NTRK2: variants seen among roughly 807,000 people sequenced by gnomAD.
The protein encoded by NTRK2 is BDNF/NT-3 growth factors receptor.
In NTRK2, 13 loss-of-function variants were observed where a neutral mutation model predicts 94.5. The observed-to-expected ratio is 0.14, with a 90% CI of 0.09 to 0.22. NTRK2 has a LOEUF of 0.22. Among genes scored for constraint, NTRK2 ranks in the 10% least tolerant of loss-of-function variants. The pLI is 1.00. For synonymous variants in NTRK2, 372 were observed against 407.4 expected, an observed-to-expected ratio of 0.91 and a Z score of 1.05; for missense variants, 639 against 1,071.2, an observed-to-expected ratio of 0.60 and a Z score of 5.63.
chr9:84,858,330 TTTTTTTGTTTGTTTG>T (rs2075165198), intron 12 of NTRK2, among the ~76,000 whole-genome samples: 1 of 152,088 alleles, frequency 6.6e-6, no homozygotes, highest in African/African-American at 2.4e-5. Context: ...GCCTGAGTGT[TTTTTTTGTTTGTTTG>T]TTTGTTGTTT....
At chr9:84,844,415 G>A (rs1016864269) in intron 12 of NTRK2, among the ~76,000 whole-genome samples, 1 of 152,118 alleles carries the variant, frequency 6.6e-6, no homozygotes, top group African/African-American at 2.4e-5. Flanking sequence ...ATTTTTGTAA[G>A]GGGAGGGAGG....
chr9:84,716,428 A>G (rs537506282), intron 6 of NTRK2, among the ~76,000 whole-genome samples: 1 of 152,264 alleles, frequency 6.6e-6, no homozygotes, highest in African/African-American at 2.4e-5. Context: ...TGTAGCACAT[A>G]TGTCTGTGTA....
intron 12 of NTRK2, among the ~76,000 whole-genome samples, chr9:84,827,503 C>G (rs1265472413): frequency 1.3e-5 from 2 of 152,036 alleles, no homozygotes; most frequent in African/African-American, 2.4e-5. Flanking sequence ...AGAGAAGAAG[C>G]CAGAGGTTAT....
At chr9:84,676,222 T>C (rs527395660) in intron 2 of NTRK2, among the ~76,000 whole-genome samples, 5 of 152,184 alleles carry the variant, frequency 3.3e-5, no homozygotes, top group African/African-American at 1.2e-4. Context: ...CTCAGACAAG[T>C]TTCTCAAGGC....
chr9:84,707,927 T>C lies in NTRK2; in HGVS notation c.428+15T>C. ...TTGTCTGAACTGTAAGTAATGATTT[T>C]GTGTGGCATTTGGGGAAATGTTTTC... On this transcript the variant is annotated intron_variant, in intron 5 of 18. Transcript: ENST00000277120. The C allele has an allele frequency of 1.2e-6, 2 of 1,606,806 alleles. No individual in the cohort carries two copies. The highest frequency in any genetic ancestry group is 8.5e-7 in the Non-Finnish European group (1 of 1,173,764).
At chr9:84,864,860 C>T (rs1439924685) in intron 13 of NTRK2, among the ~76,000 whole-genome samples, 1 of 149,828 alleles carries the variant, frequency 6.7e-6, no homozygotes, top group Non-Finnish European at 1.5e-5. Flanking sequence ...CCTGTTTCAG[C>T]CCCCCGAGTA....
chr9:84,829,995 T>TACTCTGTGC (rs2073432376), intron 12 of NTRK2, among the ~76,000 whole-genome samples: 1 of 152,236 alleles, frequency 6.6e-6, no homozygotes, highest in Non-Finnish European at 1.5e-5. Context: ...CCTGTGGGTA[T>TACTCTGTGC]TACTGCACCA....
intron 12 of NTRK2, among the ~76,000 whole-genome samples, chr9:84,816,624 C>T (rs2072423560): frequency 6.6e-6 from 1 of 151,594 alleles, no homozygotes; most frequent in African/African-American, 2.4e-5. Context: ...ACTAAAAATA[C>T]AAAAATTAGC....
At chr9:84,895,741 G>A (rs1227575249) in intron 14 of NTRK2, among the ~76,000 whole-genome samples, 4 of 152,172 alleles carry the variant, frequency 2.6e-5, no homozygotes, top group Admixed American at 6.5e-5. Flanking sequence ...GCTTGCCTTC[G>A]CAGGATCTCC....
At chr9:84,763,512 T>A (rs2065775938) in intron 12 of NTRK2, among the ~76,000 whole-genome samples, 1 of 152,178 alleles carries the variant, frequency 6.6e-6, no homozygotes, top group Non-Finnish European at 1.5e-5. Context: ...GAATAAAAGC[T>A]GAAAGAATAC....
At chr9:84,700,338 T>C (rs1374358268) in intron 2 of NTRK2, among the ~76,000 whole-genome samples, 1 of 152,160 alleles carries the variant, frequency 6.6e-6, no homozygotes, top group African/African-American at 2.4e-5. Flanking sequence ...TCTGAAACAG[T>C]TGATGTTAAA....
At chr9:84,727,279 G>A (rs1375886498) in intron 8 of NTRK2, among the ~76,000 whole-genome samples, 1 of 152,072 alleles carries the variant, frequency 6.6e-6, no homozygotes, top group Non-Finnish European at 1.5e-5. Flanking sequence ...GAGTTTTTTT[G>A]GTGATGAATC....
chr9:84,739,395 T>C (rs1027802518), intron 9 of NTRK2, among the ~76,000 whole-genome samples: 145 of 152,220 alleles, frequency 9.5e-4, no homozygotes, highest in Non-Finnish European at 4.0e-4. Context: ...TATTTACGAT[T>C]GGACCCCAAA....
At chr9:85,016,894 C>A (rs1832290189) in intron 17 of NTRK2, among the ~76,000 whole-genome samples, 1 of 152,156 alleles carries the variant, frequency 6.6e-6, no homozygotes, top group African/African-American at 2.4e-5. Flanking sequence ...AGTGAAAAAT[C>A]TGCCCCAAAG....
intron 12 of NTRK2, among the ~76,000 whole-genome samples, chr9:84,803,709 G>A (rs765002325): frequency 7.2e-5 from 11 of 152,176 alleles, no homozygotes; most frequent in Non-Finnish European, 1.3e-4. Context: ...CGGAACCCAG[G>A]CCTTGCATTT....
At chr9:84,723,548 T>A (rs759812070) in intron 6 of NTRK2, 25 bp from the exon 7 acceptor site, 1 of 1,613,802 alleles carries the variant, frequency 6.2e-7, no homozygotes, top group Admixed American at 1.7e-5. Context: ...TGCATATGCC[T>A]CTGTTTACTT....
chr9:84,757,333 G>A (rs1360851737), intron 12 of NTRK2, among the ~76,000 whole-genome samples: 3 of 152,118 alleles, frequency 2.0e-5, no homozygotes, highest in Admixed American at 2.0e-4. Flanking sequence ...ACTGTATAGG[G>A]TGCATATAGT....
At chr9:84,984,432 A>G (rs528970826) in intron 17 of NTRK2, among the ~76,000 whole-genome samples, 1 of 152,236 alleles carries the variant, frequency 6.6e-6, no homozygotes, top group African/African-American at 2.4e-5. Context: ...AGATCACACC[A>G]TTGCACTCCA....
At chr9:84,737,789 C>T (rs112987562) in intron 9 of NTRK2, among the ~76,000 whole-genome samples, 2 of 148,446 alleles carry the variant, frequency 1.3e-5, no homozygotes, top group Admixed American at 1.3e-4. Flanking sequence ...AGCCTTCCCC[C>T]CCATCCGTCT....
Sources: allele counts gnomAD v4.1 joint callset (sites outside exome capture counted in the v4.1 genomes callset), GRCh38; gene constraint gnomAD v4.1.1; transcripts MANE v1.5; gene names NCBI Gene and HGNC (gene_info 2026-07-23, HGNC 2026-07-21).